The following DCDC2 variants were observed in gnomAD, a reference collection of about 807,000 sequenced individuals.
The protein encoded by DCDC2 is doublecortin domain-containing protein 2.
Under a neutral mutation model 50.2 loss-of-function variants are expected in DCDC2, and 40 were observed. The observed-to-expected ratio is 0.80, with a 90% CI of 0.62 to 1.04. The LOEUF (loss-of-function observed/expected upper bound fraction) is 1.04, where lower values mean the gene tolerates loss of function less well. DCDC2 is among the 50% of genes least tolerant of loss of function. The pLI, the probability that DCDC2 is intolerant of heterozygous loss-of-function variation, is 0.00. For synonymous variants in DCDC2, 234 were observed against 210.6 expected (o/e 1.11, Z -0.96); for missense variants, 570 against 581.9 (o/e 0.98, Z 0.21).
chr6:24,273,405 T>G (rs1351928373), intron 7 of DCDC2, among the ~76,000 whole-genome samples: 1 of 152,058 alleles, frequency 6.6e-6, no homozygotes. Flanking sequence ...GTAACAAAAT[T>G]GCACTTGTAT....
chr6:24,216,131 G>A (rs1461961326), intron 7 of DCDC2, among the ~76,000 whole-genome samples: 1 of 152,182 alleles, frequency 6.6e-6, no homozygotes, highest in African/African-American at 2.4e-5. Flanking sequence ...AGAAATGTAA[G>A]TCTGTTAATT....
chr6:24,218,059 T>C (rs921334614), intron 7 of DCDC2, among the ~76,000 whole-genome samples: 1 of 142,228 alleles, frequency 7.0e-6, no homozygotes, highest in African/African-American at 2.6e-5. Flanking sequence ...GGACTCCATT[T>C]TAAGATGATG....
At chr6:24,248,749 T>G (rs145572714) in intron 7 of DCDC2, among the ~76,000 whole-genome samples, 2 of 152,130 alleles carry the variant, frequency 1.3e-5, no homozygotes, top group African/African-American at 4.8e-5. Context: ...CTACCTCATA[T>G]AAAACATACA....
At chr6:24,202,716 G>C (rs1761614187) in intron 8 of DCDC2, among the ~76,000 whole-genome samples, 1 of 152,176 alleles carries the variant, frequency 6.6e-6, no homozygotes. Context: ...TGGATGACAT[G>C]ATTGTATATC....
the DCDC2 span, among the ~76,000 whole-genome samples, chr6:24,374,135 C>G: frequency 5.0e-5 from 7 of 141,130 alleles, no homozygotes; most frequent in Non-Finnish European, 1.1e-4. Context: ...GAACTCCAGC[C>G]TGGGCGACAG....
chr6:24,302,150 T>G (rs1363691275), intron 2 of DCDC2, 106 bp from the exon 3 acceptor site: 1 of 958,130 alleles, frequency 1.0e-6, no homozygotes, highest in Non-Finnish European at 1.5e-6. Flanking sequence ...AGACTTCCTG[T>G]GCCTTTGTTA....
intron 2 of DCDC2, among the ~76,000 whole-genome samples, chr6:24,350,630 T>C (rs1760351303): frequency 6.6e-6 from 1 of 152,044 alleles, no homozygotes; most frequent in Non-Finnish European, 1.5e-5. Flanking sequence ...TAATGACACA[T>C]TTTTGAATTT....
At chr6:24,272,006 T>C (rs895575773) in intron 7 of DCDC2, among the ~76,000 whole-genome samples, 6 of 152,192 alleles carry the variant, frequency 3.9e-5, no homozygotes, top group African/African-American at 1.2e-4. Context: ...CAACCCTATA[T>C]CAGCTATGAA....
chr6:24,318,734 T>C (rs1759716877), intron 2 of DCDC2, among the ~76,000 whole-genome samples: 1 of 151,820 alleles, frequency 6.6e-6, no homozygotes, highest in Non-Finnish European at 1.5e-5. Context: ...AAAGACATAA[T>C]TTCATTCTTT....
intron 6 of DCDC2, 133 bp downstream of exon 6, chr6:24,288,719 G>C (rs1941344738): frequency 1.4e-6 from 1 of 739,548 alleles, no homozygotes; most frequent in Non-Finnish European, 2.3e-6. Context: ...TTCTAGTGCT[G>C]TTTCACATAA....
chr6:24,323,640 G>C (rs1759809479), intron 2 of DCDC2, among the ~76,000 whole-genome samples: 2 of 151,962 alleles, frequency 1.3e-5, no homozygotes, highest in Non-Finnish European at 1.5e-5. Flanking sequence ...TAATACATAA[G>C]AGACCTCTCC....
intron 7 of DCDC2, among the ~76,000 whole-genome samples, chr6:24,257,546 T>C (rs1561746129): frequency 6.6e-6 from 1 of 152,098 alleles, no homozygotes; most frequent in Non-Finnish European, 1.5e-5. Context: ...GAACAGATCT[T>C]ATAGAAGAGA....
the DCDC2 span, among the ~76,000 whole-genome samples, chr6:24,363,926 A>G: frequency 1.2e-4 from 19 of 152,162 alleles, no homozygotes; most frequent in Non-Finnish European, 2.1e-4. Flanking sequence ...TTACAGTGAA[A>G]TCCAATATCA....
chr6:24,236,131 C>T (rs1351937781), intron 7 of DCDC2, among the ~76,000 whole-genome samples: 1 of 151,696 alleles, frequency 6.6e-6, no homozygotes, highest in Non-Finnish European at 1.5e-5. Flanking sequence ...CCCAAATAGC[C>T]AAAGCAATCC....
intron 6 of DCDC2, among the ~76,000 whole-genome samples, chr6:24,284,630 T>A (rs920432269): frequency 1.5e-3 from 206 of 141,850 alleles, no homozygotes; most frequent in African/African-American, 4.0e-3. Context: ...AAAAAAAAAA[T>A]TTTTTTTGAA....
intron 4 of DCDC2, among the ~76,000 whole-genome samples, chr6:24,301,370 CAAAAAAAAAAAAAA>C (rs59055669): frequency 3.1e-5 from 2 of 64,112 alleles, no homozygotes; most frequent in Non-Finnish European, 5.3e-5. Context: ...GGCTCCATCT[CAAAAAAAAAAAAAA>C]AAAAAAAAAG....
In DCDC2 at chr6:24,357,831, G is replaced by A; in HGVS notation, c.-81C>T. Reference sequence around the variant, plus strand: ...TGTCCCAGCGGCCTCACCGCACCCAGGGCGCGGGATCGCCTCCTGAAACGA... The same window carrying A: ...TGTCCCAGCGGCCTCACCGCACCCAAGGCGCGGGATCGCCTCCTGAAACGA... On this transcript the variant is annotated 5_prime_UTR_variant, in exon 1 of 10. Coordinates refer to ENST00000378454, the MANE Select transcript of DCDC2 (RefSeq NM_016356.5). 6.2e-7 allele frequency: 1 copy of A among 1,601,864 alleles called. No individual in the cohort carries two copies.
At chr6:24,233,046 A>G (rs1165465155) in intron 7 of DCDC2, among the ~76,000 whole-genome samples, 1 of 152,192 alleles carries the variant, frequency 6.6e-6, no homozygotes, top group Non-Finnish European at 1.5e-5. Context: ...TCTATGTTTA[A>G]TATGTTTTCA....
At chr6:24,218,440 A>G (rs1019786951) in intron 7 of DCDC2, among the ~76,000 whole-genome samples, 2 of 152,208 alleles carry the variant, frequency 1.3e-5, no homozygotes, top group African/African-American at 4.8e-5. Context: ...ATAAAAATGT[A>G]TGTATGCTGT....
Sources: allele counts gnomAD v4.1 joint callset (sites outside exome capture counted in the v4.1 genomes callset), GRCh38; gene constraint gnomAD v4.1.1; transcripts MANE v1.5; gene names NCBI Gene and HGNC (gene_info 2026-07-23, HGNC 2026-07-21).